The following NARS2 variants were observed in gnomAD, a reference collection of about 807,000 sequenced individuals.
The protein encoded by NARS2 is asparaginyl-tRNA synthetase 2, mitochondrial, also known as asparaginyl-tRNA synthetase.
NARS2 carries 60 observed loss-of-function variants against 62.9 expected under a neutral mutation model. That is an observed-to-expected ratio of 0.95 (90% CI 0.77 to 1.18). The LOEUF is 1.18. Ranked by LOEUF, NARS2 falls within the 50% of genes most tolerant of loss-of-function variation. The pLI is 0.00. For missense variants in NARS2, 619 were observed against 576.4 expected (o/e 1.07, Z -0.76); for synonymous variants, 196 against 200.0 (o/e 0.98, Z 0.17).
chr11:78,539,602 C>A (rs544110286), intron 5 of NARS2, among the ~76,000 whole-genome samples: 1 of 152,282 alleles, frequency 6.6e-6, no homozygotes, highest in South Asian at 2.1e-4. Context: ...TTTGGGACTG[C>A]AGATAAACAG....
At chr11:78,459,559 C>G (rs373836228) in intron 11 of NARS2, among the ~76,000 whole-genome samples, 2 of 152,078 alleles carry the variant, frequency 1.3e-5, no homozygotes, top group Admixed American at 1.3e-4. Context: ...AGTGAGCCAC[C>G]GCGCCCAGCC....
intron 6 of NARS2, among the ~76,000 whole-genome samples, chr11:78,519,537 G>C (rs117243587): frequency 0.017 from 2,531 of 152,058 alleles, 43 homozygotes; most frequent in South Asian, 0.061. Flanking sequence ...TAAAAAACCA[G>C]AATCATACTC....
At chr11:78,525,307 T>G (rs781217522) in intron 6 of NARS2, among the ~76,000 whole-genome samples, 6 of 152,074 alleles carry the variant, frequency 3.9e-5, no homozygotes, top group African/African-American at 7.2e-5. Flanking sequence ...AATATGTCAG[T>G]GTAACTTTAC....
chr11:78,558,601 T>C (rs1856448963), intron 5 of NARS2: 1 of 152,224 alleles, frequency 6.6e-6, no homozygotes, highest in South Asian at 2.1e-4. Flanking sequence ...CGGCTAATGA[T>C]TTTAAATAGC....
chr11:78,437,256 A>G (rs1857437296), intron 13 of NARS2, among the ~76,000 whole-genome samples: 1 of 152,188 alleles, frequency 6.6e-6, no homozygotes, highest in Non-Finnish European at 1.5e-5. Context: ...TGCCTGTTAC[A>G]TTATGAAAAG....
At chr11:78,568,809 A>G (rs1856825913) in intron 2 of NARS2, 57 bp from the exon 3 acceptor site, 1 of 1,369,424 alleles carries the variant, frequency 7.3e-7, no homozygotes, top group Non-Finnish European at 1.0e-6. Flanking sequence ...CTTCATTTTA[A>G]TATCAACTTT....
chr11:78,526,132 A>G (rs557992480), intron 6 of NARS2, among the ~76,000 whole-genome samples: 12 of 152,298 alleles, frequency 7.9e-5, no homozygotes, highest in African/African-American at 1.7e-4. Context: ...TAGTAATGTG[A>G]TAACATTTAA....
chr11:78,440,190 A>G (rs749062126), intron 13 of NARS2, among the ~76,000 whole-genome samples: 8 of 152,206 alleles, frequency 5.3e-5, no homozygotes, highest in Non-Finnish European at 1.0e-4. Context: ...CAGCCTCCCA[A>G]ATAGCTAGGA....
At chr11:78,449,319 G>T (rs772331357) in intron 11 of NARS2, among the ~76,000 whole-genome samples, 13 of 151,236 alleles carry the variant, frequency 8.6e-5, no homozygotes, top group Non-Finnish European at 1.3e-4. Flanking sequence ...TGTATTTTTA[G>T]TAGAGACAGG....
At chr11:78,561,728 A>G (rs949066531) in intron 4 of NARS2, among the ~76,000 whole-genome samples, 21 of 152,238 alleles carry the variant, frequency 1.4e-4, no homozygotes, top group African/African-American at 5.1e-4. Context: ...CAGGCAGGCC[A>G]TAGACAACAT....
intron 4 of NARS2, among the ~76,000 whole-genome samples, chr11:78,562,575 G>A (rs1856593428): frequency 6.6e-6 from 1 of 152,186 alleles, no homozygotes; most frequent in South Asian, 2.1e-4. Context: ...CTGGCTCACT[G>A]AGGAAGAGGG....
intron 6 of NARS2, among the ~76,000 whole-genome samples, chr11:78,494,812 CAAACA>C (rs1290079881): frequency 1.3e-5 from 2 of 152,278 alleles, no homozygotes; most frequent in East Asian, 1.9e-4. Flanking sequence ...TTCCCCAAAA[CAAACA>C]AAAGACAAAA....
At chr11:78,469,805 G>C (rs995071912) in intron 9 of NARS2, among the ~76,000 whole-genome samples, 1 of 151,934 alleles carries the variant, frequency 6.6e-6, no homozygotes, top group Non-Finnish European at 1.5e-5. Flanking sequence ...GGAGAGAGTA[G>C]ACAGATAAAT....
At chr11:78,558,339 C>T (rs1036629553) in intron 5 of NARS2, 1 of 152,188 alleles carries the variant, frequency 6.6e-6, no homozygotes, top group African/African-American at 2.4e-5. Flanking sequence ...TGAATGACTT[C>T]AACCTATCAG....
chr11:78,438,920 A>G (rs1490273801), intron 13 of NARS2, among the ~76,000 whole-genome samples: 1 of 152,198 alleles, frequency 6.6e-6, no homozygotes, highest in East Asian at 1.9e-4. Flanking sequence ...AGGATCTGAA[A>G]ACTTTAGTTG....
intron 1 of NARS2, chr11:78,573,129 C>T (rs1379623783): frequency 6.6e-6 from 1 of 152,212 alleles, no homozygotes; most frequent in East Asian, 1.9e-4. Flanking sequence ...GCAGATTGGT[C>T]ATACCGCTAA....
chr11:78,436,851 A>T, intron 13 of NARS2, 37 bp from the exon 14 acceptor site: 3 of 1,582,638 alleles, frequency 1.9e-6, no homozygotes, highest in Non-Finnish European at 2.6e-6. Flanking sequence ...ATCTATATAT[A>T]GTATAAGACC....
chr11:78,479,956 T>C (rs1369249604), intron 7 of NARS2, among the ~76,000 whole-genome samples: 2 of 152,164 alleles, frequency 1.3e-5, no homozygotes, highest in Admixed American at 1.3e-4. Flanking sequence ...TGGAGGGCAG[T>C]GGTATAATCA....
At chr11:78,452,726 A>AT (rs1266192925) in intron 11 of NARS2, among the ~76,000 whole-genome samples, 1 of 152,120 alleles carries the variant, frequency 6.6e-6, no homozygotes, top group Non-Finnish European at 1.5e-5. Flanking sequence ...TATTTCTAAG[A>AT]TGATAAATAA....
Sources: gnomAD v4.1 joint callset for allele counts (sites outside exome capture counted in the v4.1 genomes callset) on GRCh38, gnomAD v4.1.1 for gene constraint, MANE v1.5 for transcripts, NCBI Gene and HGNC (gene_info 2026-07-23, HGNC 2026-07-21) for gene names.